STIM1: variants seen among roughly 807,000 people sequenced by gnomAD.
STIM1 encodes the protein stromal interaction molecule 1.
In STIM1, 25 loss-of-function variants were observed where a neutral mutation model predicts 74.7. The ratio of observed to expected loss-of-function variants is 0.33; its 90% CI spans 0.24 to 0.47. The LOEUF is 0.47. Among genes scored for constraint, STIM1 ranks in the 20% least tolerant of loss-of-function variants. STIM1 has a pLI of 1.00. For synonymous variants in STIM1, 328 were observed against 348.8 expected, an observed-to-expected ratio of 0.94 and a Z score of 0.66; for missense variants, 728 against 920.8, an observed-to-expected ratio of 0.79 and a Z score of 2.71.
chr11:3,871,173 C>A (rs527832499), intron 1 of STIM1, among the ~76,000 whole-genome samples: 1 of 152,284 alleles, frequency 6.6e-6, no homozygotes, highest in African/African-American at 2.4e-5. Context: ...GGCCTCCTAT[C>A]AGCTACTCCT....
At chr11:3,871,151 GC>G (rs1300651773) in intron 1 of STIM1, among the ~76,000 whole-genome samples, 1 of 152,086 alleles carries the variant, frequency 6.6e-6, no homozygotes, top group Admixed American at 6.6e-5. Context: ...ACAGGCGTGA[GC>G]CACGACGCCC....
chr11:3,992,089 G>GT (rs75377604), intron 2 of STIM1, among the ~76,000 whole-genome samples: 2,277 of 95,408 alleles, frequency 0.024, 42 homozygotes, highest in East Asian at 0.072. Context: ...CTGTTTTTTT[G>GT]TTTTTTTTTT....
chr11:4,000,419 G>A (rs1190697712), intron 2 of STIM1, among the ~76,000 whole-genome samples: 14 of 151,960 alleles, frequency 9.2e-5, no homozygotes, highest in East Asian at 5.8e-4. Flanking sequence ...AGCAGCATTC[G>A]CGGATCATGA....
At chr11:3,979,165 TA>T (rs2093477696) in intron 2 of STIM1, among the ~76,000 whole-genome samples, 1 of 152,190 alleles carries the variant, frequency 6.6e-6, no homozygotes, top group Non-Finnish European at 1.5e-5. Flanking sequence ...GTAGCTGGGT[TA>T]TTTGCAGATG....
chr11:4,013,162 C>T (rs867892187), intron 2 of STIM1, among the ~76,000 whole-genome samples: 5 of 152,206 alleles, frequency 3.3e-5, no homozygotes, highest in East Asian at 3.8e-4. Context: ...CGATGTTCAT[C>T]GGGGACACTG....
chr11:3,959,085 T>C (rs1285320980), intron 1 of STIM1, among the ~76,000 whole-genome samples: 1 of 152,174 alleles, frequency 6.6e-6, no homozygotes, highest in Non-Finnish European at 1.5e-5. Context: ...TTTGAAAATC[T>C]TCCCAGGGCT....
chr11:4,037,544 C>A (rs752183437), intron 3 of STIM1, among the ~76,000 whole-genome samples: 1 of 152,062 alleles, frequency 6.6e-6, no homozygotes, highest in African/African-American at 2.4e-5. Flanking sequence ...CTGCTTTATC[C>A]TTCGTGGTAA....
chr11:3,951,884 G>T (rs1220300711), intron 1 of STIM1, among the ~76,000 whole-genome samples: 3 of 152,022 alleles, frequency 2.0e-5, no homozygotes, highest in Non-Finnish European at 4.4e-5. Flanking sequence ...GATAATTTGG[G>T]GTAGCTTTTG....
chr11:4,084,808 G>T (rs958358807), intron 11 of STIM1, 43 bp downstream of exon 11: 1 of 1,281,608 alleles, frequency 7.8e-7, no homozygotes, highest in African/African-American at 1.5e-5. Context: ...TCTGACTTTC[G>T]GGACTAAATC....
intron 1 of STIM1, among the ~76,000 whole-genome samples, chr11:3,871,127 A>C (rs1279466267): frequency 4.6e-5 from 7 of 152,008 alleles, no homozygotes; most frequent in Non-Finnish European, 1.0e-4. Context: ...TCGGCCTCCC[A>C]AAGTGTTGGG....
chr11:3,878,928 C>G (rs1387002484), intron 1 of STIM1, among the ~76,000 whole-genome samples: 2 of 152,114 alleles, frequency 1.3e-5, no homozygotes, highest in African/African-American at 4.8e-5. Context: ...ACAGCATCTC[C>G]TCTAGTACTG....
chr11:3,883,170 T>C (rs1436980053), intron 1 of STIM1, among the ~76,000 whole-genome samples: 1 of 152,242 alleles, frequency 6.6e-6, no homozygotes, highest in Admixed American at 6.5e-5. Context: ...CCTGTGCTCA[T>C]GCTTTTCTCT....
At chr11:3,996,782 G>A (rs1254691197) in intron 2 of STIM1, among the ~76,000 whole-genome samples, 1 of 152,176 alleles carries the variant, frequency 6.6e-6, no homozygotes, top group Non-Finnish European at 1.5e-5. Context: ...AGTTTTACTG[G>A]AGAGTGGGTC....
At chr11:3,945,548 G>A (rs893321272) in intron 1 of STIM1, among the ~76,000 whole-genome samples, 1 of 152,090 alleles carries the variant, frequency 6.6e-6, no homozygotes, top group African/African-American at 2.4e-5. Context: ...GCAGTGAGCC[G>A]AGATTGCACC....
intron 3 of STIM1, among the ~76,000 whole-genome samples, chr11:4,054,659 C>T (rs1221745022): frequency 6.6e-6 from 1 of 152,180 alleles, no homozygotes; most frequent in East Asian, 1.9e-4. Flanking sequence ...GAAACCATCT[C>T]CCTGCCCAGG....
intron 3 of STIM1, among the ~76,000 whole-genome samples, chr11:4,034,270 A>G (rs1590663144): frequency 6.6e-6 from 1 of 151,690 alleles, no homozygotes; most frequent in South Asian, 2.1e-4. Flanking sequence ...AATTATATAT[A>G]TATATAATGT....
chr11:3,919,747 C>G (rs2092694460), intron 1 of STIM1, among the ~76,000 whole-genome samples: 1 of 152,124 alleles, frequency 6.6e-6, no homozygotes, highest in African/African-American at 2.4e-5. Flanking sequence ...GTTTACCAGG[C>G]AGCCAACAAC....
Position 3,892,522 on chromosome 11 carries a change from C to T in STIM1, c.139+36113C>T, listed in dbSNP as rs2091926834. The T allele has an allele frequency of 1.9e-6, 3 of 1,590,446 alleles. No individual in the cohort carries two copies. The Admixed American group carries it at 5.0e-5, about 27-fold the overall frequency. ...TGCCAAAGACCACATGCTTGCCATCCAACCACTCAGTCTTGGCAGTGCAGA... is the reference window on the plus strand; with the variant it reads ...TGCCAAAGACCACATGCTTGCCATCTAACCACTCAGTCTTGGCAGTGCAGA... On this transcript the variant is annotated intron_variant, in intron 1 of 12. Coordinates refer to ENST00000526596, the MANE Select transcript of STIM1 (RefSeq NM_001382567.1).
intron 3 of STIM1, chr11:4,049,747 CACACACACACACACACAT>C (rs370542264): frequency 2.7e-5 from 4 of 147,862 alleles, no homozygotes; most frequent in African/African-American, 4.9e-5. Flanking sequence ...CACACACACA[CACACACACACACACACAT>C]GCTTAGAACG....
Sources: gnomAD v4.1 joint callset for allele counts (sites outside exome capture counted in the v4.1 genomes callset) on GRCh38, gnomAD v4.1.1 for gene constraint, MANE v1.5 for transcripts, NCBI Gene and HGNC (gene_info 2026-07-23, HGNC 2026-07-21) for gene names.